Variants in RPS6KC1 observed in about 807,000 individuals in gnomAD.
RPS6KC1 encodes the protein inactive ribosomal protein S6 kinase delta-1.
Under a neutral mutation model 103.8 loss-of-function variants are expected in RPS6KC1, and 54 were observed. The observed-to-expected ratio is 0.52, with a 90% CI of 0.42 to 0.65. The LOEUF (loss-of-function observed/expected upper bound fraction) is 0.65, where lower values mean the gene tolerates loss of function less well. Among genes scored for constraint, RPS6KC1 ranks in the 30% least tolerant of loss-of-function variants. The pLI, the probability that RPS6KC1 is intolerant of heterozygous loss-of-function variation, is 0.00. For missense variants in RPS6KC1, 1,151 were observed against 1,253.8 expected, an observed-to-expected ratio of 0.92 and a Z score of 1.24; for synonymous variants, 439 against 438.7, an observed-to-expected ratio of 1.00 and a Z score of -0.01.
chr1:213,652,946 C>A, the RPS6KC1 span, among the ~76,000 whole-genome samples: 1 of 152,234 alleles, frequency 6.6e-6, no homozygotes, highest in African/African-American at 2.4e-5. Flanking sequence ...AAGGCTAACT[C>A]AGCAAGAACT....
chr1:213,771,686 A>G, the RPS6KC1 span, among the ~76,000 whole-genome samples: 1,025 of 152,360 alleles, frequency 6.7e-3, 8 homozygotes, highest in African/African-American at 0.023. Flanking sequence ...ACACCTTTAT[A>G]TTACTTATAA....
chr1:213,436,044 C>A, the RPS6KC1 span, among the ~76,000 whole-genome samples: 1 of 152,168 alleles, frequency 6.6e-6, no homozygotes, highest in African/African-American at 2.4e-5. Flanking sequence ...TTTCAGGGGT[C>A]GCTATTCTTT....
intron 8 of RPS6KC1, among the ~76,000 whole-genome samples, chr1:213,215,074 T>G (rs1018174843): frequency 6.6e-6 from 1 of 152,156 alleles, no homozygotes; most frequent in Non-Finnish European, 1.5e-5. Context: ...ACTATCAAAC[T>G]ACTCTGAGCT....
the RPS6KC1 span, among the ~76,000 whole-genome samples, chr1:213,573,568 G>A: frequency 2.6e-5 from 4 of 152,196 alleles, no homozygotes; most frequent in African/African-American, 7.2e-5. Context: ...CAGCCTCATC[G>A]GTTTGTAGTG....
At chr1:213,693,346 A>C in the RPS6KC1 span, among the ~76,000 whole-genome samples, 1 of 152,172 alleles carries the variant, frequency 6.6e-6, no homozygotes, top group African/African-American at 2.4e-5. Context: ...TCCCATGCTG[A>C]GCTATGGCTC....
At chr1:213,175,213 AC>A (rs1173165670) in intron 7 of RPS6KC1, among the ~76,000 whole-genome samples, 2 of 152,114 alleles carry the variant, frequency 1.3e-5, no homozygotes, top group Non-Finnish European at 2.9e-5. Flanking sequence ...TTTCCAACTA[AC>A]TAAATACTAG....
the RPS6KC1 span, among the ~76,000 whole-genome samples, chr1:213,496,193 A>C: frequency 6.6e-6 from 1 of 152,222 alleles, no homozygotes; most frequent in Non-Finnish European, 1.5e-5. Context: ...AAACAAAAGA[A>C]AAAGCATAAG....
chr1:213,271,860 A>G (rs1442233312), intron 14 of RPS6KC1, among the ~76,000 whole-genome samples: 1 of 152,144 alleles, frequency 6.6e-6, no homozygotes, highest in Non-Finnish European at 1.5e-5. Flanking sequence ...TACACTTATA[A>G]GGGATGAATT....
At chr1:213,806,167 C>G in the RPS6KC1 span, among the ~76,000 whole-genome samples, 2 of 152,014 alleles carry the variant, frequency 1.3e-5, no homozygotes, top group African/African-American at 4.8e-5. Flanking sequence ...CCTGTCTCTA[C>G]TAAAAATACG....
chr1:213,354,382 A>T, the RPS6KC1 span, among the ~76,000 whole-genome samples: 1 of 152,164 alleles, frequency 6.6e-6, no homozygotes, highest in Non-Finnish European at 1.5e-5. Context: ...GTATGAACTC[A>T]TTGAAACTTC....
chr1:213,476,801 G>A, the RPS6KC1 span, among the ~76,000 whole-genome samples: 1 of 152,120 alleles, frequency 6.6e-6, no homozygotes, highest in East Asian at 1.9e-4. Flanking sequence ...ACTCCACCAA[G>A]TCCAACTAAT....
chr1:213,707,048 C>T, the RPS6KC1 span, among the ~76,000 whole-genome samples: 3 of 152,008 alleles, frequency 2.0e-5, no homozygotes, highest in Non-Finnish European at 4.4e-5. Context: ...ATTTATAATC[C>T]TTTGGGTATA....
intron 6 of RPS6KC1, among the ~76,000 whole-genome samples, chr1:213,138,568 C>T (rs997456780): frequency 1.3e-5 from 2 of 152,126 alleles, no homozygotes; most frequent in Admixed American, 6.5e-5. Flanking sequence ...TCCATGTGTA[C>T]TGAATGTTTA....
the RPS6KC1 span, among the ~76,000 whole-genome samples, chr1:213,322,093 G>A: frequency 6.6e-6 from 1 of 152,116 alleles, no homozygotes; most frequent in African/African-American, 2.4e-5. Flanking sequence ...ATCACTTGAG[G>A]TCAGGAGTTT....
the RPS6KC1 span, among the ~76,000 whole-genome samples, chr1:213,525,300 G>A: frequency 6.6e-6 from 1 of 152,198 alleles, no homozygotes; most frequent in Non-Finnish European, 1.5e-5. Context: ...AAGAGAAAGA[G>A]AGGAATTAAG....
chr1:213,157,408 C>T (rs779571143), intron 6 of RPS6KC1, among the ~76,000 whole-genome samples: 118 of 151,932 alleles, frequency 7.8e-4, no homozygotes, highest in South Asian at 8.3e-4. Flanking sequence ...GGGGTTTCAC[C>T]GTGTTAGCCA....
At chr1:213,336,495 T>C in the RPS6KC1 span, among the ~76,000 whole-genome samples, 2 of 152,358 alleles carry the variant, frequency 1.3e-5, no homozygotes, top group East Asian at 1.9e-4. Flanking sequence ...TGATGGGGTA[T>C]GTTTACTTAA....
chr1:213,513,034 G>A, the RPS6KC1 span, among the ~76,000 whole-genome samples: 2 of 152,176 alleles, frequency 1.3e-5, no homozygotes, highest in African/African-American at 4.8e-5. Flanking sequence ...CATGGCAAAA[G>A]GGACTTTATG....
chr1:213,832,368 T>C, the RPS6KC1 span, among the ~76,000 whole-genome samples: 1 of 152,304 alleles, frequency 6.6e-6, no homozygotes, highest in East Asian at 1.9e-4. Flanking sequence ...CTGGGCCCTA[T>C]GTCTTTCCTC....
Sources: allele counts gnomAD v4.1 joint callset (sites outside exome capture counted in the v4.1 genomes callset), GRCh38; gene constraint gnomAD v4.1.1; transcripts MANE v1.5; gene names NCBI Gene and HGNC (gene_info 2026-07-23, HGNC 2026-07-21).